The following CADM2 variants were observed in gnomAD, a reference collection of about 807,000 sequenced individuals.
CADM2 encodes immunoglobulin superfamily member 4D.
Under a neutral mutation model 49.8 loss-of-function variants are expected in CADM2, and 12 were observed. The ratio of observed to expected loss-of-function variants is 0.24; its 90% CI spans 0.15 to 0.39. The LOEUF (loss-of-function observed/expected upper bound fraction) is 0.39. CADM2 is among the 10% of genes least tolerant of loss of function. CADM2 has a pLI of 1.00. For synonymous variants in CADM2, 214 were observed against 175.4 expected (o/e 1.22, Z -1.74); for missense variants, 378 against 492.3 (o/e 0.77, Z 2.20).
chr3:85,718,103 A>T (rs959788608), intron 1 of CADM2, among the ~76,000 whole-genome samples: 1 of 152,118 alleles, frequency 6.6e-6, no homozygotes, highest in East Asian at 1.9e-4. Context: ...GTCAATAAAT[A>T]TTTCTTACAC....
At position 86,072,285 on chromosome 3, in the gene CADM2, CAT is replaced by C. The variant is rs1004046490; in HGVS notation, c.*5511_*5512del. The C allele has an allele frequency of 6.6e-6, 1 of 150,424 alleles. No homozygotes were observed. The highest frequency in any genetic ancestry group is 2.4e-5 in the African/African-American group (1 of 40,968). 9.3% of individuals were successfully genotyped at this position (150,424 alleles called of 1,614,324 possible). On this transcript the variant is annotated 3_prime_UTR_variant, in exon 10 of 10. Transcript: ENST00000383699. ...GGTTGATCTTCACATATTTTATATG[CAT>C]ATATATATCAAGAAGTTATATATAT...
intron 1 of CADM2, among the ~76,000 whole-genome samples, chr3:85,463,589 G>A (rs887778377): frequency 1.3e-5 from 2 of 152,106 alleles, no homozygotes; most frequent in Admixed American, 6.5e-5. Context: ...TATTCAAAAT[G>A]TATATTAATA....
chr3:85,239,669 T>C (rs1369283845), intron 1 of CADM2, among the ~76,000 whole-genome samples: 1 of 151,488 alleles, frequency 6.6e-6, no homozygotes, highest in Non-Finnish European at 1.5e-5. Flanking sequence ...TAAAATAGGT[T>C]TTTTATAATT....
In CADM2 at chr3:85,114,572, T is replaced by C. The variant is rs558009616; in HGVS notation, c.61+154904T>C. ...AAAGTAACCTGTCTACAGTATGATA[T>C]ATTGGCTATTTCATTGATGAATCCA... is the stretch of plus-strand genomic sequence containing the variant. On this transcript the variant is annotated intron_variant, in intron 1 of 9. Coordinates refer to ENST00000383699, the MANE Select transcript of CADM2 (RefSeq NM_001167675.2). 2.0e-5 allele frequency among the ~76,000 whole-genome samples: 3 copies of C among 152,316 alleles called. No individual in the cohort carries two copies. The South Asian group carries it at 6.2e-4, about 32-fold the overall frequency.
chr3:85,215,569 C>T (rs1476716249), intron 1 of CADM2, among the ~76,000 whole-genome samples: 2 of 151,876 alleles, frequency 1.3e-5, no homozygotes, highest in Non-Finnish European at 2.9e-5. Context: ...CAAGCACTCC[C>T]TTAACCACCC....
rs563057039 is a variant in CADM2, at chr3:85,808,476, T to C, written c.238+6280T>C. Reference sequence around the variant, plus strand: ...AAAATCAATTAGATCGTAGTGTCTGTTTCTCTGCAGGTGCAGAAGGAAAAA... The same window carrying C: ...AAAATCAATTAGATCGTAGTGTCTGCTTCTCTGCAGGTGCAGAAGGAAAAA... On this transcript the variant is annotated intron_variant, in intron 3 of 9. Transcript: ENST00000383699. Among the ~76,000 whole-genome samples, 113 of 152,264 alleles carry C rather than the reference T, an allele frequency of 7.4e-4. 1 individual carries two copies. The highest frequency in any genetic ancestry group is 2.5e-3 in the African/African-American group (104 of 41,544).
intron 1 of CADM2, among the ~76,000 whole-genome samples, chr3:85,512,482 T>C (rs2040664818): frequency 1.3e-5 from 2 of 152,070 alleles, no homozygotes; most frequent in Admixed American, 1.3e-4. Context: ...GGTGTTTGTT[T>C]TGTTATGACA....
At chr3:85,629,839 TTA>T (rs1315986217) in intron 1 of CADM2, among the ~76,000 whole-genome samples, 1 of 152,018 alleles carries the variant, frequency 6.6e-6, no homozygotes, top group Admixed American at 6.6e-5. Context: ...AGCAGATTGG[TTA>T]AACTACTCTG....
chr3:86,019,946 C>A (rs1425276613), intron 8 of CADM2, among the ~76,000 whole-genome samples: 1 of 151,962 alleles, frequency 6.6e-6, no homozygotes, highest in African/African-American at 2.4e-5. Context: ...AAAGCAAGAG[C>A]AAACACATTC....
intron 1 of CADM2, among the ~76,000 whole-genome samples, chr3:85,666,633 G>A (rs759373306): frequency 6.6e-6 from 1 of 151,918 alleles, no homozygotes; most frequent in East Asian, 1.9e-4. Flanking sequence ...ATGACCTAAT[G>A]GTAATAATCC....
In CADM2 at chr3:85,374,075, G is replaced by GT. The variant is rs369129919; in HGVS notation, c.62-352437dup. Among the ~76,000 whole-genome samples, 663 of 149,016 alleles carry GT rather than the reference G, an allele frequency of 4.4e-3. 4 individuals are homozygous for GT. Among genetic ancestry groups the GT allele is most frequent in the East Asian group, 0.011 (57 of 5,090 alleles). ...CAAACTTGATTTCTCCTCAGAAAAT[G>GT]TTTTTTTTTTCTATTGCATCATCAG... is the stretch of plus-strand genomic sequence containing the variant. On this transcript the variant is annotated intron_variant, in intron 1 of 9. Coordinates refer to ENST00000383699, the MANE Select transcript of CADM2 (RefSeq NM_001167675.2).
intron 1 of CADM2, among the ~76,000 whole-genome samples, chr3:85,699,711 C>T (rs919347234): frequency 1.3e-5 from 2 of 152,224 alleles, no homozygotes; most frequent in African/African-American, 4.8e-5. Flanking sequence ...TTTTTCCCCC[C>T]TAGGCCTCCA....
At chr3:84,970,916 T>A (rs1482861780) in intron 1 of CADM2, among the ~76,000 whole-genome samples, 1 of 152,102 alleles carries the variant, frequency 6.6e-6, no homozygotes, top group African/African-American at 2.4e-5. Flanking sequence ...GCAATTTTTG[T>A]TGACTATTTC....
At chr3:85,969,353 C>T (rs1415033698) in intron 8 of CADM2, among the ~76,000 whole-genome samples, 2 of 151,328 alleles carry the variant, frequency 1.3e-5, no homozygotes, top group Admixed American at 1.3e-4. Flanking sequence ...TCTAAGTTAT[C>T]AAGGTCATTT....
intron 8 of CADM2, among the ~76,000 whole-genome samples, chr3:86,027,120 T>G (rs1733993234): frequency 6.6e-6 from 1 of 152,142 alleles, no homozygotes. Context: ...TCATCATCAT[T>G]TATTTTTAAG....
intron 2 of CADM2, among the ~76,000 whole-genome samples, chr3:85,758,554 A>G (rs2069226377): frequency 6.6e-6 from 1 of 152,160 alleles, no homozygotes; most frequent in African/African-American, 2.4e-5. Flanking sequence ...AAATTTATTC[A>G]TACACTGTAT....
chr3:85,832,998 A>G (rs1234088412), intron 3 of CADM2, among the ~76,000 whole-genome samples: 2 of 151,812 alleles, frequency 1.3e-5, no homozygotes, highest in Admixed American at 6.6e-5. Context: ...TGGTTTGTTG[A>G]GGGTTTTTAT....
chr3:85,283,068 T>C (rs1452809327), intron 1 of CADM2, among the ~76,000 whole-genome samples: 1 of 152,098 alleles, frequency 6.6e-6, no homozygotes, highest in African/African-American at 2.4e-5. Context: ...TGGTAGATTT[T>C]AGAATTTGTA....
chr3:85,535,369 C>T (rs898099797), intron 1 of CADM2, among the ~76,000 whole-genome samples: 16 of 152,084 alleles, frequency 1.1e-4, no homozygotes, highest in African/African-American at 3.9e-4. Context: ...TCCAACGCCT[C>T]CATGGGCCCT....
Sources: gnomAD v4.1 joint callset for allele counts (sites outside exome capture counted in the v4.1 genomes callset) on GRCh38, gnomAD v4.1.1 for gene constraint, MANE v1.5 for transcripts, NCBI Gene and HGNC (gene_info 2026-07-23, HGNC 2026-07-21) for gene names.